Variants in NKAIN2 observed in about 807,000 individuals in gnomAD.
NKAIN2 encodes the protein sodium/potassium-transporting ATPase subunit beta-1-interacting protein 2.
Under a neutral mutation model 32.6 loss-of-function variants are expected in NKAIN2, and 14 were observed. The observed-to-expected ratio is 0.43, with a 90% confidence interval of 0.28 to 0.67. NKAIN2 has a LOEUF of 0.67. Among genes scored for constraint, NKAIN2 ranks in the 30% least tolerant of loss-of-function variants. The pLI is 0.17. For synonymous variants in NKAIN2, 80 were observed against 87.2 expected (o/e 0.92, Z 0.46); for missense variants, 198 against 258.3 (o/e 0.77, Z 1.60).
intron 1 of NKAIN2, among the ~76,000 whole-genome samples, chr6:124,180,206 T>C (rs1256430531): frequency 6.6e-6 from 1 of 152,084 alleles, no homozygotes; most frequent in Non-Finnish European, 1.5e-5. Flanking sequence ...ATGCTGCCAA[T>C]AAAGACTTAC....
At chr6:124,624,625 A>C (rs536699901) in intron 3 of NKAIN2, among the ~76,000 whole-genome samples, 1 of 152,302 alleles carries the variant, frequency 6.6e-6, no homozygotes, top group South Asian at 2.1e-4. Context: ...TTATGACCAG[A>C]ATATGATTTA....
Position 124,622,869 on chromosome 6 carries a change from G to T in NKAIN2, c.274-35317G>T, listed in dbSNP as rs913320839. 2.0e-5 allele frequency among the ~76,000 whole-genome samples: 3 copies of T among 152,066 alleles called. No individual in the cohort carries two copies. The East Asian group carries it at 5.8e-4, about 29-fold the overall frequency. On this transcript the variant is annotated intron_variant, in intron 3 of 6. Coordinates refer to ENST00000368417, the MANE Select transcript of NKAIN2 (RefSeq NM_001040214.3). ...ATCTGCTTATCTCATCTCCTCATCT[G>T]CTGGCCTGCTCTGGAGCCTGGAGTT...
chr6:124,784,524 A>G (rs186159616), intron 4 of NKAIN2, among the ~76,000 whole-genome samples: 2 of 152,174 alleles, frequency 1.3e-5, no homozygotes, highest in South Asian at 2.1e-4. Context: ...CCTCAATTCT[A>G]TGGAAATTCA....
intron 3 of NKAIN2, among the ~76,000 whole-genome samples, chr6:124,421,763 T>G (rs780592264): frequency 2.5e-4 from 38 of 152,110 alleles, no homozygotes; most frequent in Non-Finnish European, 8.8e-5. Context: ...TTATTAAGGT[T>G]TGTACAGATT....
At chr6:124,324,726 A>C (rs2115034175) in intron 2 of NKAIN2, among the ~76,000 whole-genome samples, 1 of 151,954 alleles carries the variant, frequency 6.6e-6, no homozygotes, top group East Asian at 1.9e-4. Flanking sequence ...TTTTTTTATC[A>C]CATTGAGGAA....
At chr6:124,208,689 T>G (rs1032800012) in intron 1 of NKAIN2, among the ~76,000 whole-genome samples, 2 of 151,492 alleles carry the variant, frequency 1.3e-5, no homozygotes, top group Non-Finnish European at 3.0e-5. Flanking sequence ...ATCTTTATTG[T>G]ATTTTTCTGG....
At chr6:124,730,234 A>C (rs982375040) in intron 4 of NKAIN2, among the ~76,000 whole-genome samples, 12 of 94,808 alleles carry the variant, frequency 1.3e-4, no homozygotes, top group Admixed American at 7.2e-4. Flanking sequence ...GGAACCAAAA[A>C]AGAGCCCGCA....
At chr6:124,811,082 T>C (rs2114860160) in intron 5 of NKAIN2, among the ~76,000 whole-genome samples, 1 of 152,310 alleles carries the variant, frequency 6.6e-6, no homozygotes, top group African/African-American at 2.4e-5. Flanking sequence ...TACGTTCCTT[T>C]TGTATTACTG....
chr6:124,811,253 C>T (rs1780893892), intron 5 of NKAIN2, among the ~76,000 whole-genome samples: 1 of 152,134 alleles, frequency 6.6e-6, no homozygotes, highest in African/African-American at 2.4e-5. Flanking sequence ...GGCTTAGCTT[C>T]CTATGAACTG....
intron 3 of NKAIN2, among the ~76,000 whole-genome samples, chr6:124,477,701 TCC>T (rs1272690467): frequency 2.5e-5 from 1 of 39,746 alleles, no homozygotes; most frequent in Admixed American, 3.6e-4. Flanking sequence ...CCTCATCCTC[TCC>T]CTCCCCCTTA....
In NKAIN2 at chr6:124,523,345, T is replaced by C. The variant is rs574560685; in HGVS notation, c.274-134841T>C. ...TATACGAGGATGTTTATCACTATAC[T>C]CCTTTGTTCTCATTCCTTAGGCCAT... On this transcript the variant is annotated intron_variant, in intron 3 of 6. Transcript: ENST00000368417. Among the ~76,000 whole-genome samples, 9 of 152,138 alleles carry C rather than the reference T, an allele frequency of 5.9e-5. No homozygotes were observed. In the South Asian group the frequency reaches 1.2e-3, roughly 21 times the overall value.
At chr6:124,603,926 C>T (rs1007578719) in intron 3 of NKAIN2, among the ~76,000 whole-genome samples, 1 of 151,992 alleles carries the variant, frequency 6.6e-6, no homozygotes, top group Non-Finnish European at 1.5e-5. Flanking sequence ...ACTGTAACTT[C>T]AAGGGGTTTT....
At chr6:123,859,964 TAC>T in intron 1 of NKAIN2, among the ~76,000 whole-genome samples, 1 of 152,214 alleles carries the variant, frequency 6.6e-6, no homozygotes, top group East Asian at 1.9e-4. Context: ...GTGCTGGGAT[TAC>T]AGTCGTAAGC....
intron 3 of NKAIN2, among the ~76,000 whole-genome samples, chr6:124,396,393 A>G (rs894599333): frequency 6.6e-6 from 1 of 151,176 alleles, no homozygotes; most frequent in South Asian, 2.1e-4. Context: ...CCAAAAAAAC[A>G]CAAAAGGAAT....
At chr6:124,179,667 C>T (rs138044402) in intron 1 of NKAIN2, among the ~76,000 whole-genome samples, 2 of 152,296 alleles carry the variant, frequency 1.3e-5, no homozygotes, top group Admixed American at 6.5e-5. Context: ...TCACCCATTA[C>T]CCATGGGTAG....
chr6:124,034,186 A>T (rs537154484), intron 1 of NKAIN2, among the ~76,000 whole-genome samples: 1 of 152,126 alleles, frequency 6.6e-6, no homozygotes, highest in East Asian at 1.9e-4. Context: ...ACAAGGGTGC[A>T]CCATGTAATG....
At chr6:124,351,976 A>T (rs534234671) in intron 2 of NKAIN2, among the ~76,000 whole-genome samples, 12 of 152,172 alleles carry the variant, frequency 7.9e-5, no homozygotes, top group Admixed American at 7.9e-4. Flanking sequence ...TCATCATAAT[A>T]AAATGACAAC....
intron 1 of NKAIN2, among the ~76,000 whole-genome samples, chr6:123,991,392 G>C (rs1374645161): frequency 2.0e-5 from 3 of 152,078 alleles, no homozygotes; most frequent in Non-Finnish European, 4.4e-5. Flanking sequence ...GAGGGCCTCT[G>C]ATATTAAATA....
At chr6:124,622,486 C>G (rs544709548) in intron 3 of NKAIN2, among the ~76,000 whole-genome samples, 29 of 152,298 alleles carry the variant, frequency 1.9e-4, no homozygotes, top group African/African-American at 7.0e-4. Context: ...GCTCTCTTAG[C>G]CTTGCTGTCA....
Sources: allele counts gnomAD v4.1 joint callset (sites outside exome capture counted in the v4.1 genomes callset), GRCh38; gene constraint gnomAD v4.1.1; transcripts MANE v1.5; gene names NCBI Gene and HGNC (gene_info 2026-07-23, HGNC 2026-07-21).